NRAP: variants seen among roughly 807,000 people sequenced by gnomAD.
The protein encoded by NRAP is nebulin related anchoring protein.
A neutral mutation model predicts 225.9 loss-of-function variants in NRAP; 189 were observed. The observed-to-expected ratio is 0.84, with a 90% CI of 0.74 to 0.94. The LOEUF (loss-of-function observed/expected upper bound fraction) is 0.94, where lower values mean the gene tolerates loss of function less well. Ranked by LOEUF, NRAP falls within the 40% of genes least tolerant of loss-of-function variation. NRAP has a pLI of 0.00. For synonymous variants in NRAP, 769 were observed against 790.7 expected (o/e 0.97, Z 0.46); for missense variants, 2,176 against 2,168.7 (o/e 1.00, Z -0.07).
intron 14 of NRAP, among the ~76,000 whole-genome samples, chr10:113,635,211 T>A (rs1848800942): frequency 1.3e-5 from 2 of 152,160 alleles, no homozygotes; most frequent in African/African-American, 4.8e-5. Flanking sequence ...CTTATTTTTC[T>A]CCAAACACAC....
rs1460551933 is a variant in NRAP at position 113,620,637 on chromosome 10, C to T, written c.2841G>A (p.Glu947=). ...TGAGTTCTCCTGCCTTCTTCGCCTG[C>T]TCCACATTTAATGACCCGGTGGCGA... is the stretch of plus-strand genomic sequence containing the variant. ...GWVATGSLNV[E]QAKKAGELIS... The change falls in exon 25 of 42, where the codon GAG becomes GAA. Residue 947 remains glutamate, a synonymous_variant. Coordinates refer to ENST00000359988, the MANE Select transcript of NRAP (RefSeq NM_198060.4). The T allele has an allele frequency of 5.0e-6, 8 of 1,613,420 alleles. No homozygotes were observed. The South Asian group carries it at 7.7e-5, about 16-fold the overall frequency.
At position 113,650,452 on chromosome 10, in the gene NRAP, C is replaced by G; in HGVS notation, c.769G>C (p.Glu257Gln). The change falls in exon 8 of 42, where the codon GAG becomes CAG. Residue 257 changes from glutamate (E) to glutamine (Q), a missense_variant. Around this residue, in one of 3 missense-constraint regions of NRAP, gnomAD observed 1,708 missense variants for 1,695.5 expected, o/e 1.01. Transcript: ENST00000359988. ...PAYQIAKRAN[E>Q]LASDVRYHQQ... ...AGGACACTTACATCACTTGCCAGCTCATTGGCTCTTTTGGCTATCTGATAG... is the reference window on the plus strand; with the variant it reads ...AGGACACTTACATCACTTGCCAGCTGATTGGCTCTTTTGGCTATCTGATAG... 6.2e-7 allele frequency: 1 copy of G among 1,612,424 alleles called. No individual in the cohort carries two copies. Among genetic ancestry groups the G allele is most frequent in the Non-Finnish European group, 8.5e-7 (1 of 1,178,428 alleles).
intron 3 of NRAP, 42 bp downstream of exon 3, chr10:113,662,637 A>G (rs1048550363): frequency 1.9e-6 from 2 of 1,047,630 alleles, no homozygotes; most frequent in African/African-American, 1.6e-5. Flanking sequence ...GTAACCAATC[A>G]TTCTCCATAC....
At chr10:113,642,228 G>A (rs1280543393) in intron 12 of NRAP, among the ~76,000 whole-genome samples, 1 of 152,108 alleles carries the variant, frequency 6.6e-6, no homozygotes, top group Non-Finnish European at 1.5e-5. Flanking sequence ...TTTAGAGTTG[G>A]GCAGAGTGGC....
chr10:113,595,727 G>C lies in NRAP; in HGVS notation c.4432C>G (p.Arg1478Gly). The C allele has an allele frequency of 6.3e-7, 1 of 1,592,760 alleles. No individual in the cohort carries two copies. The highest frequency in any genetic ancestry group is 1.1e-5 in the South Asian group (1 of 90,512). The change falls in exon 38 of 42, where the codon CGC becomes GGC. Residue 1478 changes from arginine (R) to glycine (G), a missense_variant and splice_region_variant. Around this residue, in one of 3 missense-constraint regions of NRAP, gnomAD observed 445 missense variants for 426.1 expected, o/e 1.04. Coordinates refer to ENST00000359988, the MANE Select transcript of NRAP (RefSeq NM_198060.4). The stretch of plus-strand genomic sequence containing the variant: ...TCTGCATCTCCAGATCTATACATGC[G>C]CTGTAGATAAGATGGGCTCATGGTA... Reference protein sequence around the residue: ...AKNSYMHCNERMYRSGDAESL... With the variant: ...AKNSYMHCNEGMYRSGDAESL...
chr10:113,659,204 C>T (rs1429756449), intron 3 of NRAP, among the ~76,000 whole-genome samples: 4 of 151,894 alleles, frequency 2.6e-5, no homozygotes, highest in Non-Finnish European at 5.9e-5. Context: ...TTGTTTTTAC[C>T]TACAAATAAT....
intron 40 of NRAP, 73 bp from the exon 41 acceptor site, chr10:113,589,870 A>T: frequency 6.5e-7 from 1 of 1,530,984 alleles, no homozygotes; most frequent in Non-Finnish European, 8.9e-7. Context: ...AGTAAAGAAG[A>T]TTAAAAAGGC....
At chr10:113,618,745 A>G (rs1201297325) in intron 25 of NRAP, among the ~76,000 whole-genome samples, 1 of 152,234 alleles carries the variant, frequency 6.6e-6, no homozygotes, top group Non-Finnish European at 1.5e-5. Flanking sequence ...CAGGAGTTTG[A>G]GACCAGCCTG....
chr10:113,631,674 G>T, intron 17 of NRAP, 64 bp from the exon 18 acceptor site: 1 of 1,092,046 alleles, frequency 9.2e-7, no homozygotes, highest in Non-Finnish European at 1.4e-6. Context: ...AGGGGCTCTG[G>T]TTTTAACAAG....
Position 113,624,891 on chromosome 10 carries a change from A to G in NRAP, c.2284T>C (p.Tyr762His), listed in dbSNP as rs529341512. The G allele has an allele frequency of 6.2e-7, 1 of 1,614,006 alleles. No individual in the cohort carries two copies. Among genetic ancestry groups the G allele is most frequent in the Admixed American group, 1.7e-5 (1 of 60,020 alleles). Residue 762 changes from tyrosine to histidine, a missense_variant, in exon 22 of 42, where the codon TAT (tyrosine) becomes CAT (histidine). Physicochemically the swap from Tyr to His is moderately conservative, Grantham distance 83. Coordinates refer to ENST00000359988, the MANE Select transcript of NRAP (RefSeq NM_198060.4). ...AGAGGCTCGTCTTTGCTGATGGTAT[A>G]CTGATGGACAGACTGCTCATTTCCT... is the stretch of plus-strand genomic sequence containing the variant. ...KAGNEQSVHQYTISKDEPLFL... is the reference protein window; with the variant it reads ...KAGNEQSVHQHTISKDEPLFL...
chr10:113,593,868 C>T (rs956125387), intron 38 of NRAP, among the ~76,000 whole-genome samples: 1 of 152,234 alleles, frequency 6.6e-6, no homozygotes, highest in Non-Finnish European at 1.5e-5. Flanking sequence ...AATGTCACCC[C>T]ACTTTGGTGT....
intron 14 of NRAP, among the ~76,000 whole-genome samples, chr10:113,635,399 T>G (rs758273932): frequency 1.3e-5 from 2 of 152,170 alleles, no homozygotes; most frequent in Non-Finnish European, 2.9e-5. Flanking sequence ...AGGTTGTGGA[T>G]AGCAGATAAC....
Position 113,649,917 on chromosome 10 carries a change from C to A in NRAP, c.888+120G>T, listed in dbSNP as rs1013278265. ...TTTCTATCTTGGAAAATCTACCTTTCATAAAAAAGGTAAAGATAAACCAAA... is the reference window on the plus strand; with the variant it reads ...TTTCTATCTTGGAAAATCTACCTTTAATAAAAAAGGTAAAGATAAACCAAA... On this transcript the variant is annotated intron_variant, in intron 9 of 41. Transcript: ENST00000359988. The A allele has an allele frequency of 1.4e-5, 9 of 641,170 alleles. No homozygotes were observed. The African/African-American group carries it at 1.6e-4, about 12-fold the overall frequency. The allele number at this position is 641,170 out of a possible 1,614,324, so 39.7% of individuals were successfully genotyped here.
chr10:113,640,075 G>A, intron 14 of NRAP, 152 bp downstream of exon 14: 1 of 508,284 alleles, frequency 2.0e-6, no homozygotes, highest in Non-Finnish European at 3.5e-6. Context: ...ACTTCCTAGT[G>A]GAAAATAGAA....
intron 35 of NRAP, among the ~76,000 whole-genome samples, chr10:113,600,319 GCAC>G (rs1846527299): frequency 6.6e-6 from 1 of 151,204 alleles, no homozygotes; most frequent in Non-Finnish European, 1.5e-5. Context: ...CCACAGGTGT[GCAC>G]CACCACAACT....
At chr10:113,628,752 G>T (rs1317337589) in intron 20 of NRAP, among the ~76,000 whole-genome samples, 165 bp downstream of exon 20, 1 of 152,194 alleles carries the variant, frequency 6.6e-6, no homozygotes, top group East Asian at 1.9e-4. Context: ...TAAGGGTGTG[G>T]AAAGTTAGCT....
chr10:113,625,268 G>T (rs1345723352), intron 21 of NRAP, among the ~76,000 whole-genome samples: 1 of 152,280 alleles, frequency 6.6e-6, no homozygotes, highest in African/African-American at 2.4e-5. Context: ...CCCCACCAGG[G>T]GGTTCAGATT....
At chr10:113,639,751 T>C (rs1379737711) in intron 14 of NRAP, among the ~76,000 whole-genome samples, 1 of 152,218 alleles carries the variant, frequency 6.6e-6, no homozygotes, top group African/African-American at 2.4e-5. Flanking sequence ...GCTGCTGTAA[T>C]AATTAAGGGA....
Position 113,641,422 on chromosome 10 carries a change from T to C in NRAP, c.1266A>G (p.Gly422=). 6.2e-7 allele frequency: 1 copy of C among 1,613,994 alleles called. No homozygotes were observed. The highest frequency in any genetic ancestry group is 8.5e-7 in the Non-Finnish European group (1 of 1,179,910). ...GCAGAGTGCGTCTGTCCATACCAAC[T>C]CCTTCATAGCGGCCTCTCATGTGGT... ...YQNHMRGRYE[G]VGMDRRTLHA... The change falls in exon 13 of 42, where the codon GGA becomes GGG. Residue 422 remains glycine, a synonymous_variant. Transcript: ENST00000359988.
Sources: gnomAD v4.1 joint callset for allele counts (sites outside exome capture counted in the v4.1 genomes callset) on GRCh38, gnomAD v4.1.1 for gene constraint, gnomAD v4.1.1 regional missense constraint, MANE v1.5 for transcripts, NCBI Gene and HGNC (gene_info 2026-07-23, HGNC 2026-07-21) for gene names.